The following ERBB4 variants were observed in gnomAD, a reference collection of about 807,000 sequenced individuals.
ERBB4 encodes the protein erb-b2 receptor tyrosine kinase 4, also known as receptor tyrosine-protein kinase erbB-4.
ERBB4 carries 42 observed loss-of-function variants against 158.0 expected under a neutral mutation model. The observed-to-expected ratio is 0.27, with a 90% CI of 0.21 to 0.34. The LOEUF (loss-of-function observed/expected upper bound fraction) is 0.34, where lower values mean the gene tolerates loss of function less well. Among genes scored for constraint, ERBB4 ranks in the 10% least tolerant of loss-of-function variants. The pLI is 1.00. For synonymous variants in ERBB4, 583 were observed against 558.7 expected, an observed-to-expected ratio of 1.04 and a Z score of -0.61; for missense variants, 1,333 against 1,624.1, an observed-to-expected ratio of 0.82 and a Z score of 3.08.
intron 1 of ERBB4, among the ~76,000 whole-genome samples, chr2:212,444,703 G>A (rs1166767926): frequency 6.6e-6 from 1 of 152,074 alleles, no homozygotes; most frequent in Non-Finnish European, 1.5e-5. Context: ...GTTATGCATG[G>A]GCTCAACAAC....
At chr2:211,922,575 TTTTC>T (rs1228624027) in intron 3 of ERBB4, among the ~76,000 whole-genome samples, 7 of 151,878 alleles carry the variant, frequency 4.6e-5, no homozygotes, top group Non-Finnish European at 8.8e-5. Context: ...CTTTACTGAG[TTTTC>T]TTTCTAGTGG....
intron 4 of ERBB4, chr2:211,777,125 G>A (rs1396634152): frequency 6.6e-6 from 1 of 152,152 alleles, no homozygotes; most frequent in Non-Finnish European, 1.5e-5. Context: ...TAGGTGCGTG[G>A]GGGTACATGC....
Position 212,364,221 on chromosome 2 carries a change from G to A in ERBB4, c.82+174228C>T, listed in dbSNP as rs910191755. Among the ~76,000 whole-genome samples the A allele has an allele frequency of 4.0e-5, 6 of 151,674 alleles. No homozygotes were observed. In the Admixed American group the frequency reaches 4.0e-4, roughly 10 times the overall value. On this transcript the variant is annotated intron_variant, in intron 1 of 27. Transcript: ENST00000342788. ...TAGGGAAATGGGAGGAAAGGGAGAT[G>A]GGAGAATACCCGGGAAGTGATTCAG...
At chr2:211,413,829 GT>G (rs904971886) in intron 25 of ERBB4, among the ~76,000 whole-genome samples, 10 of 151,912 alleles carry the variant, frequency 6.6e-5, no homozygotes, top group African/African-American at 2.4e-4. Flanking sequence ...AATGTATTAA[GT>G]GAAAAAGAAA....
intron 19 of ERBB4, among the ~76,000 whole-genome samples, chr2:211,584,248 AT>A (rs1012233835): frequency 1.5e-4 from 23 of 151,994 alleles, no homozygotes; most frequent in African/African-American, 5.3e-4. Context: ...TTTCAAATAT[AT>A]TAGCACTATT....
At chr2:211,449,344 A>G (rs2064187145) in intron 20 of ERBB4, among the ~76,000 whole-genome samples, 1 of 152,166 alleles carries the variant, frequency 6.6e-6, no homozygotes, top group South Asian at 2.1e-4. Flanking sequence ...TGTATTTCAC[A>G]ACCAGTGAAA....
rs529866291 is a variant in ERBB4 at position 211,398,365 on chromosome 2, A to G, written c.3136-10373T>C. Among the ~76,000 whole-genome samples the G allele has an allele frequency of 2.0e-5, 3 of 152,294 alleles. No homozygotes were observed. The South Asian group carries it at 6.2e-4, about 32-fold the overall frequency. On this transcript the variant is annotated intron_variant, in intron 25 of 27. Coordinates refer to ENST00000342788, the MANE Select transcript of ERBB4 (RefSeq NM_005235.3). ...TTAGAGAGTAAAAGAAAGTGTTATT[A>G]ATAATTATGCTTCTGATACAGAAGT...
chr2:212,007,868 G>A (rs2076293520), intron 2 of ERBB4, among the ~76,000 whole-genome samples: 1 of 151,928 alleles, frequency 6.6e-6, no homozygotes, highest in South Asian at 2.1e-4. Context: ...ATTTTAAAAA[G>A]TCAAGGGTCT....
chr2:211,826,950 T>C lies in ERBB4; in HGVS notation c.422-38791A>G, dbSNP rs533824602. The stretch of plus-strand genomic sequence containing the variant: ...AGGACTTGTTCTTCCCTTTTGCATG[T>C]GTGTATATATTTAAACACATGCAGG... On this transcript the variant is annotated intron_variant, in intron 3 of 27. Transcript: ENST00000342788. 3.3e-5 allele frequency among the ~76,000 whole-genome samples: 5 copies of C among 152,140 alleles called. No homozygotes were observed. In the East Asian group the frequency reaches 9.7e-4, roughly 29 times the overall value.
At position 211,381,104 on chromosome 2, in the gene ERBB4, A is replaced by G. The variant is rs1337465785; in HGVS notation, c.*2511T>C. On this transcript the variant is annotated 3_prime_UTR_variant, in exon 28 of 28. Transcript: ENST00000342788. ...TGAATGGATAGGAGAGCCCTGAGCT[A>G]TTAGATTGTGGCCCCTGAATCACTC... 1 of 232,516 alleles carries G rather than the reference A, an allele frequency of 4.3e-6. No individual in the cohort carries two copies. Among genetic ancestry groups the G allele is most frequent in the Non-Finnish European group, 8.5e-6 (1 of 117,608 alleles). The allele number at this position is 232,516 out of a possible 1,614,324, so 14.4% of individuals were successfully genotyped here. A position where few individuals can be genotyped will look rare whatever the true frequency, so the allele number is the denominator to read the frequency against.
chr2:211,942,195 G>A (rs2080519016), intron 3 of ERBB4, among the ~76,000 whole-genome samples: 2 of 152,060 alleles, frequency 1.3e-5, no homozygotes, highest in African/African-American at 4.8e-5. Context: ...ATGTGAAAAG[G>A]TACTACATTA....
chr2:212,102,388 T>A (rs866318480), intron 2 of ERBB4, among the ~76,000 whole-genome samples: 3 of 151,956 alleles, frequency 2.0e-5, no homozygotes, highest in Non-Finnish European at 4.4e-5. Flanking sequence ...AACGTGTTGA[T>A]ATCTTGAAAA....
At chr2:211,809,867 C>T (rs547780761) in intron 3 of ERBB4, among the ~76,000 whole-genome samples, 5 of 152,280 alleles carry the variant, frequency 3.3e-5, no homozygotes, top group East Asian at 1.9e-4. Context: ...TTAAAAGTGT[C>T]CCAGAGATTC....
intron 2 of ERBB4, among the ~76,000 whole-genome samples, chr2:212,065,839 A>G (rs1684580218): frequency 6.6e-6 from 1 of 152,048 alleles, no homozygotes; most frequent in South Asian, 2.1e-4. Flanking sequence ...TAATTTACAG[A>G]ATTTAATGCT....
Position 211,745,915 on chromosome 2 carries a change from G to A in ERBB4, c.622+4724C>T, listed in dbSNP as rs142894257. On this transcript the variant is annotated intron_variant, in intron 5 of 27. Transcript: ENST00000342788. ...CTGTGTTACAAAATACTGTATCCAG[G>A]AAACAGTTGTCTCTAGATTAAGAAC... 3.6e-3 allele frequency among the ~76,000 whole-genome samples: 544 copies of A among 152,212 alleles called. 5 individuals carry two copies. The highest frequency in any genetic ancestry group is 0.027 in the Middle Eastern group (8 of 294).
intron 12 of ERBB4, among the ~76,000 whole-genome samples, chr2:211,679,988 G>A (rs1202028172): frequency 1.3e-5 from 2 of 152,128 alleles, no homozygotes; most frequent in Non-Finnish European, 2.9e-5. Flanking sequence ...CAAAATATAA[G>A]TTTTCTACAG....
intron 2 of ERBB4, among the ~76,000 whole-genome samples, chr2:211,959,106 C>T (rs1373295272): frequency 6.6e-6 from 1 of 152,122 alleles, no homozygotes; most frequent in East Asian, 1.9e-4. Flanking sequence ...CTTTCACCCT[C>T]ATTCATCCAT....
chr2:212,497,985 T>C (rs1690671998), intron 1 of ERBB4, among the ~76,000 whole-genome samples: 1 of 152,192 alleles, frequency 6.6e-6, no homozygotes, highest in Non-Finnish European at 1.5e-5. Flanking sequence ...GTCCTTCCCT[T>C]TAGATAGGAC....
intron 3 of ERBB4, among the ~76,000 whole-genome samples, chr2:211,811,747 C>T (rs1208314518): frequency 6.6e-6 from 1 of 152,008 alleles, no homozygotes; most frequent in Non-Finnish European, 1.5e-5. Context: ...CTTCTCTTCT[C>T]ACTTTATTTC....
Sources: gnomAD v4.1 joint callset for allele counts (sites outside exome capture counted in the v4.1 genomes callset) on GRCh38, gnomAD v4.1.1 for gene constraint, MANE v1.5 for transcripts, NCBI Gene and HGNC (gene_info 2026-07-23, HGNC 2026-07-21) for gene names.